Variants in LRRC4C observed in about 807,000 individuals in gnomAD.
LRRC4C encodes the protein leucine-rich repeat-containing protein 4C.
In LRRC4C, 5 loss-of-function variants were observed where a neutral mutation model predicts 33.6. The ratio of observed to expected loss-of-function variants is 0.15; its 90% CI spans 0.08 to 0.31. LRRC4C has a LOEUF of 0.31. LRRC4C is among the 10% of genes least tolerant of loss of function. The pLI is 1.00. For synonymous variants in LRRC4C, 329 were observed against 302.0 expected, an observed-to-expected ratio of 1.09 and a Z score of -0.93; for missense variants, 560 against 796.7, an observed-to-expected ratio of 0.70 and a Z score of 3.58.
intron 1 of LRRC4C, among the ~76,000 whole-genome samples, chr11:41,267,837 T>C (rs998151218): frequency 6.6e-6 from 1 of 152,110 alleles, no homozygotes; most frequent in African/African-American, 2.4e-5. Context: ...AAATGTCTAA[T>C]AATGTAATGC....
intron 1 of LRRC4C, among the ~76,000 whole-genome samples, chr11:41,226,357 A>G (rs758348121): frequency 4.6e-5 from 7 of 152,164 alleles, no homozygotes; most frequent in Non-Finnish European, 7.4e-5. Flanking sequence ...TCAATGCCTG[A>G]GTCCTCACTC....
intron 3 of LRRC4C, chr11:40,446,501 A>C (rs991477053): frequency 1.1e-4 from 16 of 152,160 alleles, no homozygotes; most frequent in Non-Finnish European, 8.8e-5. Context: ...ATTTGCCACA[A>C]ATGTCTGCTG....
chr11:40,874,319 T>C (rs1462051305), intron 2 of LRRC4C, among the ~76,000 whole-genome samples: 2 of 152,178 alleles, frequency 1.3e-5, no homozygotes. Context: ...AAGGATTTTA[T>C]GCATTTTTTT....
At chr11:41,127,257 T>G (rs1262303946) in intron 1 of LRRC4C, among the ~76,000 whole-genome samples, 1 of 82,224 alleles carries the variant, frequency 1.2e-5, no homozygotes, top group East Asian at 7.0e-4. Flanking sequence ...AGACTAGAGT[T>G]TTTTTTTTTT....
intron 2 of LRRC4C, among the ~76,000 whole-genome samples, chr11:40,663,518 G>A (rs895353054): frequency 2.0e-5 from 3 of 152,128 alleles, no homozygotes; most frequent in African/African-American, 7.2e-5. Flanking sequence ...CAAAATGTTG[G>A]ATATGAAACA....
Position 40,166,219 on chromosome 11 carries a change from A to G in LRRC4C, c.-95-25366T>C, listed in dbSNP as rs1038819187. Among the ~76,000 whole-genome samples the G allele has an allele frequency of 6.6e-5, 10 of 152,138 alleles. 1 individual carries two copies. The highest frequency in any genetic ancestry group is 6.5e-4 in the Admixed American group (10 of 15,276). On this transcript the variant is annotated intron_variant, in intron 5 of 6. Transcript: ENST00000528697. ...CTAGCCTAAAACTAGAAGTGTCCCA[A>G]TCCCCATTCAATGAACAGATACACT...
At chr11:40,731,478 G>A (rs1231374211) in intron 2 of LRRC4C, among the ~76,000 whole-genome samples, 1 of 152,064 alleles carries the variant, frequency 6.6e-6, no homozygotes, top group African/African-American at 2.4e-5. Flanking sequence ...CTGGTACCAT[G>A]CTTGTACAGC....
chr11:40,616,237 G>A (rs575079848), intron 3 of LRRC4C, among the ~76,000 whole-genome samples: 262 of 151,800 alleles, frequency 1.7e-3, no homozygotes, highest in African/African-American at 6.1e-3. Flanking sequence ...TTAGAATGGC[G>A]ATCATTAAAA....
In LRRC4C at chr11:40,686,199, G is replaced by A. The variant is rs897486952; in HGVS notation, c.-406-37921C>T. Among the ~76,000 whole-genome samples, 6 of 152,058 alleles carry A rather than the reference G, an allele frequency of 3.9e-5. No individual in the cohort carries two copies. The East Asian group carries it at 5.8e-4, about 15-fold the overall frequency. On this transcript the variant is annotated intron_variant, in intron 2 of 6. Transcript: ENST00000528697. ...TAAGTCTCAGTTTTATCATCCAGAT[G>A]ATAACAATAACAGTATCTACCATTG...
At chr11:40,148,515 T>C (rs1440480304) in intron 5 of LRRC4C, among the ~76,000 whole-genome samples, 2 of 152,182 alleles carry the variant, frequency 1.3e-5, no homozygotes, top group Non-Finnish European at 2.9e-5. Flanking sequence ...CTTTGCCCTC[T>C]TTTAACGGAG....
At chr11:41,394,028 CAA>C (rs1565637513) in intron 1 of LRRC4C, among the ~76,000 whole-genome samples, 2 of 151,914 alleles carry the variant, frequency 1.3e-5, no homozygotes, top group African/African-American at 4.8e-5. Flanking sequence ...ATCAAATATG[CAA>C]AGAGGCACTC....
At chr11:40,899,371 C>A (rs1372235021) in intron 2 of LRRC4C, among the ~76,000 whole-genome samples, 1 of 152,154 alleles carries the variant, frequency 6.6e-6, no homozygotes, top group Non-Finnish European at 1.5e-5. Flanking sequence ...CCCTTCGTGT[C>A]CATCTTCCTG....
intron 1 of LRRC4C, among the ~76,000 whole-genome samples, chr11:41,003,887 A>G (rs1211897976): frequency 1.3e-5 from 2 of 152,092 alleles, no homozygotes; most frequent in Non-Finnish European, 1.5e-5. Flanking sequence ...AAGAGCCAAT[A>G]GAATAAAGCT....
At chr11:40,307,462 T>C (rs777285830) in intron 4 of LRRC4C, among the ~76,000 whole-genome samples, 1 of 152,220 alleles carries the variant, frequency 6.6e-6, no homozygotes, top group Non-Finnish European at 1.5e-5. Flanking sequence ...TGCAAATGCC[T>C]ATCCATCCTC....
rs1342062102 is a variant in LRRC4C, at chr11:40,946,237, T to C, written c.-495-12514A>G. On this transcript the variant is annotated intron_variant, in intron 1 of 6. Coordinates refer to ENST00000528697, the MANE Select transcript of LRRC4C (RefSeq NM_001258419.2). ...TTTGCTTGGAATAATGGCCTCCAGC[T>C]GCATTCACGTGGCTGCAAAGGACAT... 2.0e-5 allele frequency among the ~76,000 whole-genome samples: 3 copies of C among 152,178 alleles called. No homozygotes were observed. In the East Asian group the frequency reaches 5.8e-4, roughly 29 times the overall value.
intron 1 of LRRC4C, among the ~76,000 whole-genome samples, chr11:41,351,296 A>T (rs1345141175): frequency 6.6e-6 from 1 of 152,104 alleles, no homozygotes; most frequent in Non-Finnish European, 1.5e-5. Flanking sequence ...AGACAAAAAA[A>T]GAGTTTTTTA....
intron 5 of LRRC4C, among the ~76,000 whole-genome samples, chr11:40,185,681 C>T (rs1050609931): frequency 6.6e-6 from 1 of 151,786 alleles, no homozygotes; most frequent in Non-Finnish European, 1.5e-5. Flanking sequence ...TTCTATAATC[C>T]CCATTTTTCA....
chr11:40,677,556 G>T (rs1591441138), intron 2 of LRRC4C, among the ~76,000 whole-genome samples: 2 of 152,144 alleles, frequency 1.3e-5, no homozygotes, highest in South Asian at 4.1e-4. Context: ...ACAGTAACTA[G>T]AGAAATTTTT....
At chr11:41,173,686 A>G (rs1022178608) in intron 1 of LRRC4C, among the ~76,000 whole-genome samples, 4 of 152,070 alleles carry the variant, frequency 2.6e-5, no homozygotes, top group African/African-American at 9.7e-5. Flanking sequence ...CATAGCCTAC[A>G]TTCTTTTCTT....
Sources: gnomAD v4.1 joint callset for allele counts (sites outside exome capture counted in the v4.1 genomes callset) on GRCh38, gnomAD v4.1.1 for gene constraint, MANE v1.5 for transcripts, NCBI Gene and HGNC (gene_info 2026-07-23, HGNC 2026-07-21) for gene names.